The following LPIN1 variants were observed in gnomAD, a reference collection of about 807,000 sequenced individuals.
LPIN1 encodes phosphatidate phosphatase LPIN1.
LPIN1 carries 71 observed loss-of-function variants against 107.5 expected under a neutral mutation model. That is an observed-to-expected ratio of 0.66 (90% confidence interval 0.55 to 0.80). LPIN1 has a LOEUF of 0.80. Among genes scored for constraint, LPIN1 ranks in the 30% least tolerant of loss-of-function variants. The probability of loss-of-function intolerance (pLI) is 0.00; values close to 1 mark genes in which losing one functional copy is unlikely to be tolerated. For missense variants in LPIN1, 1,043 were observed against 1,160.6 expected, an observed-to-expected ratio of 0.90 and a Z score of 1.47; for synonymous variants, 445 against 452.6, an observed-to-expected ratio of 0.98 and a Z score of 0.21.
intron 1 of LPIN1, among the ~76,000 whole-genome samples, chr2:11,759,843 G>A (rs563657247): frequency 0.022 from 3,158 of 142,756 alleles, 75 homozygotes; most frequent in African/African-American, 0.075. Context: ...CGGACGGGGC[G>A]GCTGGCCGGG....
intron 6 of LPIN1, among the ~76,000 whole-genome samples, chr2:11,776,432 A>ATT (rs201108224): frequency 6.9e-6 from 1 of 144,220 alleles, no homozygotes; most frequent in African/African-American, 2.5e-5. Flanking sequence ...AGATGATCAG[A>ATT]TTTTTTTTTT....
intron 1 of LPIN1, among the ~76,000 whole-genome samples, chr2:11,694,204 AG>A: frequency 6.6e-6 from 1 of 152,300 alleles, no homozygotes; most frequent in East Asian, 1.9e-4. Context: ...ATTTTGGAAC[AG>A]AATGATAGAA....
chr2:11,748,372 G>T (rs112989361), intron 1 of LPIN1, among the ~76,000 whole-genome samples: 3,839 of 152,346 alleles, frequency 0.025, 167 homozygotes, highest in African/African-American at 0.088. Context: ...GGGCTTTGCA[G>T]TTGTTGTTCT....
At chr2:11,805,007 T>A in intron 16 of LPIN1, 63 bp from the exon 17 acceptor site, 2 of 944,706 alleles carry the variant, frequency 2.1e-6, no homozygotes, top group Non-Finnish European at 3.4e-6. Flanking sequence ...TTATGAGGCA[T>A]GAATGGTGCA....
chr2:11,717,553 T>C (rs1465916581), intron 2 of LPIN1, among the ~76,000 whole-genome samples: 1 of 148,696 alleles, frequency 6.7e-6, no homozygotes, highest in Non-Finnish European at 1.5e-5. Context: ...GTGGAAATCA[T>C]CGCATTCTTT....
intron 17 of LPIN1, among the ~76,000 whole-genome samples, chr2:11,807,300 C>T (rs931755964): frequency 1.3e-5 from 2 of 152,178 alleles, no homozygotes; most frequent in Non-Finnish European, 2.9e-5. Context: ...CCCACAGCCT[C>T]ACCACGGGCT....
upstream of LPIN1, among the ~76,000 whole-genome samples, chr2:11,744,257 T>C (rs186273749): frequency 1.2e-3 from 184 of 152,332 alleles, no homozygotes; most frequent in Non-Finnish European, 2.2e-3. Context: ...TCAGCTCTCC[T>C]GGCTGAGTCA....
intron 1 of LPIN1, among the ~76,000 whole-genome samples, chr2:11,705,691 G>T (rs898477777): frequency 6.6e-6 from 1 of 152,208 alleles, no homozygotes; most frequent in African/African-American, 2.4e-5. Flanking sequence ...CTGGGCCAGA[G>T]AGATCAAAGG....
intron 1 of LPIN1, among the ~76,000 whole-genome samples, chr2:11,685,386 G>C (rs911076195): frequency 6.6e-6 from 1 of 152,220 alleles, no homozygotes; most frequent in Non-Finnish European, 1.5e-5. Flanking sequence ...CCACCTCCTG[G>C]GCTTTCGGGG....
In LPIN1 at chr2:11,824,773, T is replaced by G. The variant is rs746815381; in HGVS notation, c.2763T>G (p.Ile921Met). Residue 921 changes from isoleucine (I) to methionine (M), a missense_variant, in exon 21 of 21, where the codon ATT (isoleucine) becomes ATG (methionine). Coordinates refer to ENST00000674199, the MANE Select transcript of LPIN1 (RefSeq NM_001349206.2). ...EPLPPFENQD[I>M]HSASA The stretch of plus-strand genomic sequence containing the variant: ...TGCCACCTTTTGAAAACCAGGACAT[T>G]CATTCTGCCTCAGCGTAAAATGTCC... The G allele has an allele frequency of 6.2e-7, 1 of 1,614,204 alleles. No homozygotes were observed. The highest frequency in any genetic ancestry group is 1.1e-5 in the South Asian group (1 of 91,088).
At chr2:11,702,080 T>C (rs996552482) in intron 1 of LPIN1, among the ~76,000 whole-genome samples, 2 of 152,144 alleles carry the variant, frequency 1.3e-5, no homozygotes, top group Non-Finnish European at 2.9e-5. Context: ...AAAATGACTT[T>C]CACGAAGGAG....
intron 11 of LPIN1, among the ~76,000 whole-genome samples, chr2:11,787,719 A>G (rs945123842): frequency 1.3e-5 from 2 of 152,016 alleles, no homozygotes; most frequent in Admixed American, 6.5e-5. Context: ...AGGCAGGCGG[A>G]TCATGAGGTC....
At chr2:11,767,993 C>T (rs549792736) in intron 3 of LPIN1, 135 bp downstream of exon 3, 10 of 712,948 alleles carry the variant, frequency 1.4e-5, no homozygotes, top group East Asian at 1.4e-4. Context: ...GAAAAGTGGG[C>T]GTTGATCTGT....
chr2:11,807,408 A>G (rs1022244921), intron 17 of LPIN1, among the ~76,000 whole-genome samples: 1 of 152,182 alleles, frequency 6.6e-6, no homozygotes, highest in African/African-American at 2.4e-5. Flanking sequence ...AGAAACCCTC[A>G]TGGGTCAGGA....
intron 1 of LPIN1, among the ~76,000 whole-genome samples, chr2:11,690,498 C>G (rs375288566): frequency 6.6e-6 from 1 of 152,168 alleles, no homozygotes. Context: ...ACTCATCACT[C>G]GTTCATCAAT....
In LPIN1 at chr2:11,707,446, G is replaced by C. The variant is rs529636138; in HGVS notation, c.82-6310G>C. 6.6e-6 allele frequency among the ~76,000 whole-genome samples: 1 copy of C among 152,352 alleles called. No individual in the cohort carries two copies. The highest frequency in any genetic ancestry group is 2.1e-4 in the South Asian group (1 of 4,828). On this transcript the variant is annotated intron_variant, in intron 1 of 21. Coordinates refer to the LPIN1 transcript ENST00000449576. This position sits in a 1 kb window ranked among gnomAD's most constrained non-coding sequence, Gnocchi z 4.2. Reference sequence around the variant, plus strand: ...CGTGGCCAGACCCCCTGAGGCCACTGTAGGGCCCTGGAATTTACTGAGCAG... The same window carrying C: ...CGTGGCCAGACCCCCTGAGGCCACTCTAGGGCCCTGGAATTTACTGAGCAG...
At chr2:11,792,074 T>C in intron 13 of LPIN1, 68 bp downstream of exon 13, 1 of 1,304,604 alleles carries the variant, frequency 7.7e-7, no homozygotes, top group Non-Finnish European at 1.1e-6. Flanking sequence ...AGATTGGTTT[T>C]CATGTACTTA....
Position 11,740,110 on chromosome 2 carries a change from C to T in LPIN1, c.-71-1239C>T, listed in dbSNP as rs541091841. 4.0e-4 allele frequency among the ~76,000 whole-genome samples: 61 copies of T among 152,230 alleles called. 1 individual carries two copies. The highest frequency in any genetic ancestry group is 1.1e-3 in the African/African-American group (44 of 41,532). On this transcript the variant is annotated intron_variant, in intron 1 of 21. Transcript: ENST00000396097. ...GGCCATCGGTGCAGGTCCTGGAGTC[C>T]GACGGCTGGAGACCCTGGAGTGCTG...
chr2:11,788,416 T>G lies in LPIN1; in HGVS notation c.1673T>G (p.Leu558Arg). 6.2e-7 allele frequency: 1 copy of G among 1,613,972 alleles called. No homozygotes were observed. Among genetic ancestry groups the G allele is most frequent in the Non-Finnish European group, 8.5e-7 (1 of 1,179,842 alleles). ...TATAACTGGACAACAGCAGCACCCCTCCTCCTGGCAATGCAGGCCTTCCAG... is the reference window on the plus strand; with the variant it reads ...TATAACTGGACAACAGCAGCACCCCGCCTCCTGGCAATGCAGGCCTTCCAG... ...KYYNWTTAAP[L>R]LLAMQAFQKP... The change falls in exon 12 of 21, where the codon CTC becomes CGC. Residue 558 changes from leucine (L) to arginine (R), a missense_variant. Transcript: ENST00000674199.
Sources: allele counts gnomAD v4.1 joint callset (sites outside exome capture counted in the v4.1 genomes callset), GRCh38; gene constraint gnomAD v4.1.1; non-coding constraint Gnocchi (gnomAD v3.1); transcripts MANE v1.5; gene names NCBI Gene and HGNC (gene_info 2026-07-23, HGNC 2026-07-21).